Variants in SLC35F6 observed in about 807,000 individuals in gnomAD.
SLC35F6 encodes solute carrier family 35 member F6, also known as ANT2-binding protein.
Under a neutral mutation model 29.4 loss-of-function variants are expected in SLC35F6, and 26 were observed. That is an observed-to-expected ratio of 0.89 (90% CI 0.65 to 1.23). The LOEUF (loss-of-function observed/expected upper bound fraction) is 1.23, where lower values mean the gene tolerates loss of function less well. Ranked by LOEUF, SLC35F6 falls within the 50% of genes most tolerant of loss-of-function variation. The pLI is 0.00. For missense variants in SLC35F6, 428 were observed against 487.8 expected (o/e 0.88, Z 1.15); for synonymous variants, 174 against 206.6 (o/e 0.84, Z 1.35).
Position 26,778,547 on chromosome 2 carries a change from CCTT to C in SLC35F6, c.*39_*41del, listed in dbSNP as rs756681672. On this transcript the variant is annotated 3_prime_UTR_variant, in exon 6 of 6. Transcript: ENST00000344420. ...AGGCTTCTACTGCCACCCGGGTGCT[CCTT>C]CTCCCTGAGACTGAGGCCACACAGG... The C allele has an allele frequency of 2.0e-5, 30 of 1,529,764 alleles. No homozygotes were observed. The highest frequency in any genetic ancestry group is 2.5e-5 in the Non-Finnish European group (29 of 1,142,694). 94.8% of individuals were successfully genotyped at this position (1,529,764 alleles called of 1,614,324 possible).
intron 1 of SLC35F6, among the ~76,000 whole-genome samples, chr2:26,771,297 C>G (rs1664192394): frequency 6.6e-6 from 1 of 152,222 alleles, no homozygotes; most frequent in South Asian, 2.1e-4. Flanking sequence ...CCTCAGCTTC[C>G]ATACCTGCCC....
chr2:26,777,202 AAAT>A (rs1489430286), intron 5 of SLC35F6, among the ~76,000 whole-genome samples: 1 of 152,222 alleles, frequency 6.6e-6, no homozygotes, highest in Non-Finnish European at 1.5e-5. Flanking sequence ...CCATCTCAAA[AAAT>A]AATAATTTGA....
Position 26,778,309 on chromosome 2 carries a change from C to T in SLC35F6, c.914C>T (p.Ala305Val). 1 of 1,614,182 alleles carries T rather than the reference C, an allele frequency of 6.2e-7. No individual in the cohort carries two copies. The highest frequency in any genetic ancestry group is 1.7e-5 in the Admixed American group (1 of 60,022). Residue 305 changes from alanine to valine, a missense_variant, in exon 6 of 6, where the codon GCA becomes GTA. Ala to Val is a moderately conservative substitution (Grantham distance 64). Transcript: ENST00000344420. ...AGCTTGCGCACCGTTGTCATCTGGGCACTGAGCCTGGCACTGGGCTGGGAG... is the reference window on the plus strand; with the variant it reads ...AGCTTGCGCACCGTTGTCATCTGGGTACTGAGCCTGGCACTGGGCTGGGAG... ...LDSLRTVVIW[A>V]LSLALGWEAF...
chr2:26,769,152 C>A (rs1015040567), intron 1 of SLC35F6, among the ~76,000 whole-genome samples: 3 of 152,256 alleles, frequency 2.0e-5, no homozygotes, highest in Non-Finnish European at 2.9e-5. Flanking sequence ...CACAGCTAAT[C>A]TGCCCAAGCC....
At position 26,764,333 on chromosome 2, in the gene SLC35F6, C is replaced by G. The variant is rs546842107; in HGVS notation, c.-17C>G. 6.5e-7 allele frequency: 1 copy of G among 1,549,412 alleles called. No individual in the cohort carries two copies. The highest frequency in any genetic ancestry group is 2.5e-5 in the East Asian group (1 of 40,710). On this transcript the variant is annotated 5_prime_UTR_variant, in exon 1 of 6. Transcript: ENST00000344420. ...GCCCGGCGCCGCTAACTGGAGCGAACCCCAGCGTCCGCCGACATGGCCTGG... is the reference window on the plus strand; with the variant it reads ...GCCCGGCGCCGCTAACTGGAGCGAAGCCCAGCGTCCGCCGACATGGCCTGG...
chr2:26,778,643 A>G lies in SLC35F6; in HGVS notation c.*132A>G. 1 of 841,360 alleles carries G rather than the reference A, an allele frequency of 1.2e-6. No individual in the cohort carries two copies. Among genetic ancestry groups the G allele is most frequent in the Non-Finnish European group, 1.8e-6 (1 of 559,214 alleles). 52.1% of individuals were successfully genotyped at this position (841,360 alleles called of 1,614,324 possible). On this transcript the variant is annotated 3_prime_UTR_variant, in exon 6 of 6. Transcript: ENST00000344420. ...CCCCTCCCTGCAGAACCCCCAGGGC[A>G]GCTGCTGCCACAGAAGATAACAACA... is the stretch of plus-strand genomic sequence containing the variant.
chr2:26,774,604 T>C (rs1008485185), intron 2 of SLC35F6, among the ~76,000 whole-genome samples: 1 of 152,242 alleles, frequency 6.6e-6, no homozygotes, highest in African/African-American at 2.4e-5. Flanking sequence ...AAGTCAGCTC[T>C]CTATCCACTG....
At chr2:26,768,210 T>C (rs914587089) in intron 1 of SLC35F6, among the ~76,000 whole-genome samples, 6 of 152,128 alleles carry the variant, frequency 3.9e-5, no homozygotes, top group African/African-American at 1.4e-4. Context: ...AGGAGGACAG[T>C]GTAGTAGAGT....
At chr2:26,768,364 CTTT>C (rs60323100) in intron 1 of SLC35F6, among the ~76,000 whole-genome samples, 14 of 137,128 alleles carry the variant, frequency 1.0e-4, no homozygotes, top group Admixed American at 1.5e-4. Context: ...GGAAGGTTTC[CTTT>C]TTTTTTTTTT....
Position 26,775,492 on chromosome 2 carries a change from C to G in SLC35F6, c.351C>G (p.Phe117Leu), listed in dbSNP as rs1465069624. Residue 117 changes from phenylalanine to leucine, a missense_variant, in exon 4 of 6, where the codon TTC (phenylalanine) becomes TTG (leucine). Transcript: ENST00000344420. The surrounding 1 kb of genome is among the most constrained non-coding windows in gnomAD (Gnocchi z 4.6). ...TGAACATGACCAGTGCCTCCAGCTT[C>G]CAGATGCTGCGGGGTGCAGTGATCA... ...VALNMTSASS[F>L]QMLRGAVIIF... is the part of the protein sequence containing the mutation. The G allele has an allele frequency of 6.2e-7, 1 of 1,612,780 alleles. No individual in the cohort carries two copies. The highest frequency in any genetic ancestry group is 1.3e-5 in the African/African-American group (1 of 74,894).
chr2:26,772,061 C>G (rs915910403), intron 1 of SLC35F6, among the ~76,000 whole-genome samples: 2 of 152,248 alleles, frequency 1.3e-5, no homozygotes, highest in African/African-American at 4.8e-5. Context: ...GGAATCTTAA[C>G]TACCCCTCTT....
chr2:26,776,380 T>G lies in SLC35F6; in HGVS notation c.544T>G (p.Leu182Val), dbSNP rs1473715863. The change falls in exon 5 of 6, where the codon TTG becomes GTG. Residue 182 changes from leucine (L) to valine (V), a missense_variant. Coordinates refer to ENST00000344420, the MANE Select transcript of SLC35F6 (RefSeq NM_017877.4). ...TCCCTCCTTCCCCACAGGGGACCTG[T>G]TGATCATCATGGCCCAGATCATCGT... The part of the protein sequence containing the change: ...KLSEVITGDL[L>V]IIMAQIIVAI... The G allele has an allele frequency of 3.1e-6, 5 of 1,614,170 alleles. No homozygotes were observed. In the South Asian group the frequency reaches 5.5e-5, roughly 18 times the overall value.
At chr2:26,777,059 C>T (rs1454087239) in intron 5 of SLC35F6, among the ~76,000 whole-genome samples, 4 of 152,196 alleles carry the variant, frequency 2.6e-5, no homozygotes, top group East Asian at 1.9e-4. Flanking sequence ...ATTAGCTGGG[C>T]GTGGTGGCGC....
rs1664378429 is a variant in SLC35F6 at position 26,779,934 on chromosome 2, A to T, written c.*1423A>T. The T allele has an allele frequency of 6.6e-6, 1 of 151,060 alleles. No homozygotes were observed. Among genetic ancestry groups the T allele is most frequent in the African/African-American group, 2.4e-5 (1 of 40,918 alleles). The allele number at this position is 151,060 out of a possible 1,614,324, so 9.4% of individuals were successfully genotyped here. A position where few individuals can be genotyped will look rare whatever the true frequency, so the allele number is the denominator to read the frequency against. On this transcript the variant is annotated 3_prime_UTR_variant, in exon 6 of 6. Transcript: ENST00000344420. ...GTCCTCCTGCCTCAGCCTCCCGAGT[A>T]GCTAAGACTAACAGGTATGTACCAC...
rs201724027 is a variant in SLC35F6 at position 26,778,113 on chromosome 2, G to A, written c.718G>A (p.Gly240Arg). The change falls in exon 6 of 6, where the codon GGA (glycine) becomes AGA (arginine). Residue 240 changes from glycine (G) to arginine (R), a missense_variant. Transcript: ENST00000344420. Reference sequence around the variant, plus strand: ...CTACATCCCCGCCGGCTCCTTCAGCGGAAACCCTCGTGGGACACTGGAGGA... The same window carrying A: ...CTACATCCCCGCCGGCTCCTTCAGCAGAAACCCTCGTGGGACACTGGAGGA... ...MYYIPAGSFS[G>R]NPRGTLEDAL... 3.4e-5 allele frequency: 55 copies of A among 1,614,186 alleles called. No individual in the cohort carries two copies. Among genetic ancestry groups the A allele is most frequent in the African/African-American group, 4.0e-5 (3 of 75,048 alleles).
intron 1 of SLC35F6, among the ~76,000 whole-genome samples, chr2:26,773,519 A>C (rs892363470): frequency 2.6e-5 from 4 of 151,010 alleles, no homozygotes; most frequent in Non-Finnish European, 5.9e-5. Flanking sequence ...AAAAAAAAAA[A>C]GACCAAGGAT....
intron 1 of SLC35F6, among the ~76,000 whole-genome samples, chr2:26,767,730 G>A (rs1156313131): frequency 6.6e-6 from 1 of 152,224 alleles, no homozygotes; most frequent in African/African-American, 2.4e-5. Flanking sequence ...GCCGGGGTCA[G>A]CTGGGCACTG....
chr2:26,767,605 C>T (rs536528622), intron 1 of SLC35F6, among the ~76,000 whole-genome samples: 4 of 152,186 alleles, frequency 2.6e-5, no homozygotes, highest in Non-Finnish European at 5.9e-5. Context: ...CACCTTCTGT[C>T]GATCATCTTC....
At chr2:26,772,613 C>G (rs575262129) in intron 1 of SLC35F6, among the ~76,000 whole-genome samples, 5 of 152,298 alleles carry the variant, frequency 3.3e-5, no homozygotes, top group Non-Finnish European at 7.4e-5. Flanking sequence ...GCTCTTGGCT[C>G]TGGGCCTGGG....
Sources: gnomAD v4.1 joint callset for allele counts (sites outside exome capture counted in the v4.1 genomes callset) on GRCh38, gnomAD v4.1.1 for gene constraint, Gnocchi (gnomAD v3.1) non-coding constraint, MANE v1.5 for transcripts, NCBI Gene and HGNC (gene_info 2026-07-23, HGNC 2026-07-21) for gene names.